CRPPA: variants seen among roughly 807,000 people sequenced by gnomAD.
CRPPA encodes the protein CDP-L-ribitol pyrophosphorylase A.
Under a neutral mutation model 52.0 loss-of-function variants are expected in CRPPA, and 43 were observed. The observed-to-expected ratio is 0.83, with a 90% confidence interval of 0.65 to 1.07. CRPPA has a LOEUF of 1.07. CRPPA is among the 50% of genes least tolerant of loss of function. CRPPA has a pLI of 0.00. For missense variants in CRPPA, 629 were observed against 551.7 expected, an observed-to-expected ratio of 1.14 and a Z score of -1.40; for synonymous variants, 250 against 203.5, an observed-to-expected ratio of 1.23 and a Z score of -1.94.
chr7:16,403,573 T>C (rs1787882299), intron 2 of CRPPA, among the ~76,000 whole-genome samples: 1 of 151,318 alleles, frequency 6.6e-6, no homozygotes, highest in Non-Finnish European at 1.5e-5. Flanking sequence ...AGTTAAGGAG[T>C]CTGTAGAAAA....
intron 3 of CRPPA, among the ~76,000 whole-genome samples, chr7:16,318,100 A>C (rs1785185544): frequency 6.6e-6 from 1 of 151,948 alleles, no homozygotes; most frequent in Non-Finnish European, 1.5e-5. Flanking sequence ...CTTTCTCCTA[A>C]CCTAGCCCTT....
At chr7:16,236,946 G>GTGCACA (rs1782967927) in intron 8 of CRPPA, among the ~76,000 whole-genome samples, 2 of 112,120 alleles carry the variant, frequency 1.8e-5, no homozygotes, top group Admixed American at 1.0e-4. Context: ...GCTTTCGTGC[G>GTGCACA]CGCGCACACA....
At chr7:16,124,089 T>C (rs1782528375) in intron 9 of CRPPA, among the ~76,000 whole-genome samples, 1 of 149,504 alleles carries the variant, frequency 6.7e-6, no homozygotes, top group South Asian at 2.1e-4. Flanking sequence ...TGCTGGATCA[T>C]ATAGGCTCAA....
chr7:16,142,304 T>C (rs1352441992), intron 9 of CRPPA, among the ~76,000 whole-genome samples: 2 of 152,210 alleles, frequency 1.3e-5, no homozygotes, highest in African/African-American at 4.8e-5. Flanking sequence ...ATCCCCTAGG[T>C]ACTAAGCCTA....
chr7:16,102,293 T>C (rs1782061801), intron 9 of CRPPA, among the ~76,000 whole-genome samples: 1 of 152,122 alleles, frequency 6.6e-6, no homozygotes, highest in South Asian at 2.1e-4. Context: ...TTATACCTTA[T>C]ACAAAAATTA....
intron 9 of CRPPA, among the ~76,000 whole-genome samples, chr7:16,144,278 C>T (rs1374024895): frequency 1.3e-5 from 2 of 152,218 alleles, no homozygotes; most frequent in Non-Finnish European, 2.9e-5. Context: ...GTAACAGGGC[C>T]TGCAAACCTT....
chr7:16,384,868 A>G (rs1296379222), intron 2 of CRPPA, among the ~76,000 whole-genome samples: 5 of 152,218 alleles, frequency 3.3e-5, no homozygotes, highest in African/African-American at 1.2e-4. Context: ...CCATATATCA[A>G]ACTTAGCAGA....
At chr7:16,118,138 T>C (rs1429508681) in intron 9 of CRPPA, among the ~76,000 whole-genome samples, 1 of 152,206 alleles carries the variant, frequency 6.6e-6, no homozygotes, top group Non-Finnish European at 1.5e-5. Flanking sequence ...CTCGGCTCCA[T>C]GCCAACCACT....
intron 9 of CRPPA, among the ~76,000 whole-genome samples, chr7:16,193,854 G>C (rs1781668257): frequency 6.6e-6 from 1 of 152,066 alleles, no homozygotes; most frequent in African/African-American, 2.4e-5. Context: ...AATGGGTATT[G>C]TTTCCTTTAC....
chr7:16,197,830 A>T (rs1425684832), intron 9 of CRPPA, among the ~76,000 whole-genome samples: 1 of 150,490 alleles, frequency 6.6e-6, no homozygotes, highest in Non-Finnish European at 1.5e-5. Flanking sequence ...CTGCCTTGAG[A>T]TTCTGTTAAT....
At chr7:16,402,074 G>A (rs571069188) in intron 2 of CRPPA, among the ~76,000 whole-genome samples, 4 of 147,806 alleles carry the variant, frequency 2.7e-5, no homozygotes, top group Non-Finnish European at 6.0e-5. Flanking sequence ...GATTAGAACT[G>A]TAATTTCCAC....
At chr7:16,180,575 G>A (rs925736388) in intron 9 of CRPPA, among the ~76,000 whole-genome samples, 6 of 151,848 alleles carry the variant, frequency 4.0e-5, no homozygotes, top group African/African-American at 1.4e-4. Context: ...GCATTATGTT[G>A]TTCATTAATT....
intron 3 of CRPPA, among the ~76,000 whole-genome samples, chr7:16,314,366 C>A (rs767506130): frequency 6.6e-6 from 1 of 151,966 alleles, no homozygotes; most frequent in African/African-American, 2.4e-5. Flanking sequence ...ATAAAATAAT[C>A]CTAATTACTC....
chr7:16,114,295 TACACAC>T (rs140597697), intron 9 of CRPPA, among the ~76,000 whole-genome samples: 1 of 147,056 alleles, frequency 6.8e-6, no homozygotes, highest in African/African-American at 2.5e-5. Context: ...CACGCACACA[TACACAC>T]ACACACACAC....
At chr7:16,208,604 G>A (rs573566902) in intron 9 of CRPPA, among the ~76,000 whole-genome samples, 83 of 152,208 alleles carry the variant, frequency 5.5e-4, no homozygotes, top group African/African-American at 1.9e-3. Context: ...AACATTAGCC[G>A]TCCTCTTCTC....
chr7:16,324,783 A>G (rs1785343478), intron 3 of CRPPA, among the ~76,000 whole-genome samples: 1 of 152,188 alleles, frequency 6.6e-6, no homozygotes, highest in South Asian at 2.1e-4. Flanking sequence ...AGATACCCAA[A>G]ACATGGAGTC....
chr7:16,148,647 C>A (rs1182748227), intron 9 of CRPPA, among the ~76,000 whole-genome samples: 2 of 151,684 alleles, frequency 1.3e-5, no homozygotes, highest in Non-Finnish European at 2.9e-5. Flanking sequence ...AAGGTAATGG[C>A]CAGGGGAAAA....
rs910664798 is a variant in CRPPA at position 16,302,294 on chromosome 7, T to G, written c.790-828A>C. 6.4e-4 allele frequency among the ~76,000 whole-genome samples: 5 copies of G among 7,782 alleles called. No individual in the cohort carries two copies. In the African/African-American group the frequency reaches 0.013, roughly 21 times the overall value. The allele number at this position is 7,782 out of a possible 152,430, so 5.1% of individuals were successfully genotyped here. A position where few individuals can be genotyped will look rare whatever the true frequency, so the allele number is the denominator to read the frequency against. On this transcript the variant is annotated intron_variant, in intron 4 of 9. Transcript: ENST00000407010. ...CTGGGCTACAGAGCGAGACTCTGTCTCAAAAAAAAAAAAAAAAAAAAAAAA... is the reference window on the plus strand; with the variant it reads ...CTGGGCTACAGAGCGAGACTCTGTCGCAAAAAAAAAAAAAAAAAAAAAAAA...
chr7:16,260,530 T>C (rs148989247), intron 6 of CRPPA, among the ~76,000 whole-genome samples: 279 of 152,202 alleles, frequency 1.8e-3, no homozygotes, highest in African/African-American at 6.1e-3. Context: ...TGGTTATAAA[T>C]GGTCTTTTCT....
Sources: allele counts gnomAD v4.1 joint callset (sites outside exome capture counted in the v4.1 genomes callset), GRCh38; gene constraint gnomAD v4.1.1; transcripts MANE v1.5; gene names NCBI Gene and HGNC (gene_info 2026-07-23, HGNC 2026-07-21).